Variants in ADK observed in about 807,000 individuals in gnomAD.
The protein encoded by ADK is N6,N6-dimethyladenosine kinase.
ADK carries 24 observed loss-of-function variants against 44.7 expected under a neutral mutation model. The observed-to-expected ratio is 0.54, with a 90% confidence interval of 0.39 to 0.76. The LOEUF (loss-of-function observed/expected upper bound fraction) is 0.76, where lower values mean the gene tolerates loss of function less well. Ranked by LOEUF, ADK falls within the 30% of genes least tolerant of loss-of-function variation. ADK has a pLI of 0.00. For synonymous variants in ADK, 128 were observed against 142.6 expected (o/e 0.90, Z 0.73); for missense variants, 321 against 425.1 (o/e 0.76, Z 2.15).
chr10:74,362,967 C>T (rs1842384630), intron 4 of ADK, among the ~76,000 whole-genome samples: 1 of 152,230 alleles, frequency 6.6e-6, no homozygotes, highest in Admixed American at 6.5e-5. Flanking sequence ...AATCTCTGCA[C>T]AGATGGGATA....
chr10:74,655,646 A>G (rs1307965694), intron 9 of ADK: 3 of 445,830 alleles, frequency 6.7e-6, no homozygotes, highest in Admixed American at 2.8e-5. Context: ...GGCTCCTTCC[A>G]GAGCAGCCAG....
At chr10:74,649,567 G>C (rs751678510) in intron 9 of ADK, among the ~76,000 whole-genome samples, 1 of 152,002 alleles carries the variant, frequency 6.6e-6, no homozygotes, top group Non-Finnish European at 1.5e-5. Context: ...TGAGGCTGCA[G>C]TGAGTCTTGA....
chr10:74,279,327 C>T lies in ADK; in HGVS notation c.195-35340C>T, dbSNP rs551930764. ...AATTGAGGCCAGGTGCAGTGGCTCA[C>T]GCCTGTAATCCCAGCACTTTGGGAG... On this transcript the variant is annotated intron_variant, in intron 3 of 10. Coordinates refer to ENST00000539909, the MANE Select transcript of ADK (RefSeq NM_006721.4). 7.2e-5 allele frequency among the ~76,000 whole-genome samples: 11 copies of T among 151,982 alleles called. No homozygotes were observed. The South Asian group carries it at 8.3e-4, about 12-fold the overall frequency.
chr10:74,653,315 G>T (rs929838046), intron 9 of ADK, among the ~76,000 whole-genome samples: 3 of 152,064 alleles, frequency 2.0e-5, no homozygotes, highest in African/African-American at 7.2e-5. Context: ...AGTTGGGCTT[G>T]GTGGTGGGCA....
chr10:74,237,853 C>T (rs1845030362), intron 3 of ADK, among the ~76,000 whole-genome samples: 1 of 152,096 alleles, frequency 6.6e-6, no homozygotes, highest in African/African-American at 2.4e-5. Flanking sequence ...AATTCCAGGA[C>T]TTTGGGAGAC....
intron 4 of ADK, among the ~76,000 whole-genome samples, chr10:74,333,175 G>A (rs1440439078): frequency 2.0e-5 from 3 of 152,108 alleles, no homozygotes; most frequent in Non-Finnish European, 4.4e-5. Flanking sequence ...AAAATGCCTA[G>A]TGGGCTGGGA....
At chr10:74,200,575 T>G (rs1288856869) in intron 1 of ADK, among the ~76,000 whole-genome samples, 189 bp from the exon 2 acceptor site, 3 of 152,172 alleles carry the variant, frequency 2.0e-5, no homozygotes, top group Non-Finnish European at 4.4e-5. Context: ...ATAATCATCT[T>G]TTTTTCTAAA....
chr10:74,222,958 A>G (rs1241042650), intron 2 of ADK, among the ~76,000 whole-genome samples: 3 of 152,186 alleles, frequency 2.0e-5, no homozygotes, highest in Admixed American at 6.5e-5. Flanking sequence ...ACATGCATAC[A>G]TATGCAACTA....
intron 9 of ADK, among the ~76,000 whole-genome samples, chr10:74,648,263 G>GA (rs886179759): frequency 2.0e-5 from 3 of 152,126 alleles, no homozygotes; most frequent in African/African-American, 7.2e-5. Context: ...AGGATTAAAT[G>GA]AAAGAATGCT....
intron 3 of ADK, among the ~76,000 whole-genome samples, chr10:74,283,421 C>T (rs1847025176): frequency 6.6e-6 from 1 of 150,772 alleles, no homozygotes. Flanking sequence ...TTACTCAGTT[C>T]TCTCTCCCTT....
At chr10:74,338,265 C>T (rs181194906) in intron 4 of ADK, among the ~76,000 whole-genome samples, 56 of 152,124 alleles carry the variant, frequency 3.7e-4, no homozygotes, top group South Asian at 1.9e-3. Context: ...ATGTGGATAG[C>T]GAAAGTAAAA....
chr10:74,152,910 T>C (rs10824086), intron 1 of ADK, among the ~76,000 whole-genome samples: 17,584 of 152,266 alleles, frequency 0.12, 1,065 homozygotes, highest in Middle Eastern at 0.2. Context: ...GACATGAAGT[T>C]AAAAGATTAG....
At chr10:74,672,706 G>A (rs1855233965) in intron 10 of ADK, among the ~76,000 whole-genome samples, 1 of 152,090 alleles carries the variant, frequency 6.6e-6, no homozygotes, top group South Asian at 2.1e-4. Context: ...TGTGAATCAA[G>A]CTACAAAGTA....
intron 6 of ADK, among the ~76,000 whole-genome samples, chr10:74,444,952 GT>G (rs1347053901): frequency 1.3e-5 from 2 of 151,912 alleles, no homozygotes; most frequent in Non-Finnish European, 2.9e-5. Flanking sequence ...AAAGGTGTAG[GT>G]TAGAAAAGAA....
chr10:74,227,688 A>G (rs778614120), intron 3 of ADK, among the ~76,000 whole-genome samples: 3 of 152,212 alleles, frequency 2.0e-5, no homozygotes, highest in Admixed American at 2.0e-4. Context: ...TACTAAAAAT[A>G]CAAAAATTAG....
intron 9 of ADK, among the ~76,000 whole-genome samples, chr10:74,651,470 G>A (rs1167927536): frequency 6.6e-6 from 1 of 152,110 alleles, no homozygotes; most frequent in African/African-American, 2.4e-5. Flanking sequence ...AACTTAAGGG[G>A]TTGTATTATG....
chr10:74,352,449 A>G (rs1841991352), intron 4 of ADK, among the ~76,000 whole-genome samples: 1 of 152,204 alleles, frequency 6.6e-6, no homozygotes, highest in African/African-American at 2.4e-5. Flanking sequence ...ACTTAAATGT[A>G]AAACCGAAAA....
chr10:74,682,010 A>G (rs1564850275), intron 10 of ADK, among the ~76,000 whole-genome samples: 1 of 152,218 alleles, frequency 6.6e-6, no homozygotes, highest in South Asian at 2.1e-4. Flanking sequence ...AAACAGAAGC[A>G]TACGCTAAAC....
At chr10:74,439,341 T>A (rs1845311797) in intron 6 of ADK, among the ~76,000 whole-genome samples, 1 of 152,080 alleles carries the variant, frequency 6.6e-6, no homozygotes, top group Non-Finnish European at 1.5e-5. Flanking sequence ...TCCTTCCCTG[T>A]CTTATCTTTT....
Sources: allele counts gnomAD v4.1 joint callset (sites outside exome capture counted in the v4.1 genomes callset), GRCh38; gene constraint gnomAD v4.1.1; transcripts MANE v1.5; gene names NCBI Gene and HGNC (gene_info 2026-07-23, HGNC 2026-07-21).